TENM1: variants seen among roughly 807,000 people sequenced by gnomAD.
The protein encoded by TENM1 is teneurin-1.
Under a neutral mutation model 174.8 loss-of-function variants are expected in TENM1, and 35 were observed. The ratio of observed to expected loss-of-function variants is 0.20; its 90% confidence interval spans 0.15 to 0.27. The LOEUF is 0.27. Among genes scored for constraint, TENM1 ranks in the 10% least tolerant of loss-of-function variants. The pLI is 1.00. For missense variants in TENM1, 1,633 were observed against 2,130.1 expected, an observed-to-expected ratio of 0.77 and a Z score of 4.59; for synonymous variants, 781 against 798.7, an observed-to-expected ratio of 0.98 and a Z score of 0.37.
the TENM1 span, among the ~76,000 whole-genome samples, chrX:125,017,110 C>T: frequency 9.0e-6 from 1 of 111,656 alleles, no homozygotes; most frequent in East Asian, 2.8e-4. Flanking sequence ...CCATAAAAAC[C>T]CTAGAAGAAA....
chrX:124,627,909 T>C (rs1175188786), intron 11 of TENM1, among the ~76,000 whole-genome samples: 1 of 111,825 alleles, frequency 8.9e-6, no homozygotes, highest in Non-Finnish European at 1.9e-5. Flanking sequence ...CTATATTCTA[T>C]ATAAGAAACA....
At chrX:125,070,193 A>G in the TENM1 span, among the ~76,000 whole-genome samples, 1 of 92,924 alleles carries the variant, frequency 1.1e-5, no homozygotes, top group African/African-American at 6.1e-5. Flanking sequence ...TGTCCAAGTA[A>G]TAATAATAAT....
chrX:124,835,977 C>A (rs2056383873), intron 3 of TENM1, among the ~76,000 whole-genome samples: 1 of 111,601 alleles, frequency 9.0e-6, no homozygotes, highest in Non-Finnish European at 1.9e-5. Flanking sequence ...AGGCTCATGA[C>A]AGCATTGCCA....
intron 21 of TENM1, among the ~76,000 whole-genome samples, chrX:124,483,735 A>C (rs2046894892): frequency 8.9e-6 from 1 of 112,103 alleles, no homozygotes; most frequent in East Asian, 2.8e-4. Context: ...ACTTGTGTGC[A>C]AGATACACAC....
chrX:124,859,070 T>C (rs931897096), intron 3 of TENM1, among the ~76,000 whole-genome samples: 2 of 111,726 alleles, frequency 1.8e-5, no homozygotes, highest in Admixed American at 1.9e-4. Context: ...TTTGTAAATA[T>C]GTTAATCATT....
the TENM1 span, among the ~76,000 whole-genome samples, chrX:125,183,239 C>T: frequency 1.4e-4 from 16 of 111,384 alleles, no homozygotes; most frequent in Non-Finnish European, 2.3e-4. Context: ...CTTAATCTGA[C>T]GTGAGACAGA....
chrX:124,973,858 A>T, the TENM1 span, among the ~76,000 whole-genome samples: 5 of 112,069 alleles, frequency 4.5e-5, no homozygotes, highest in African/African-American at 1.6e-4. Flanking sequence ...TAACACAGGA[A>T]CAGATAACCA....
chrX:124,504,141 T>C (rs16999234), intron 18 of TENM1, among the ~76,000 whole-genome samples: 17,523 of 111,204 alleles, frequency 0.16, 1,067 homozygotes, highest in Middle Eastern at 0.19. Flanking sequence ...CAAGCTGCCT[T>C]TGGAGTACTA....
At chrX:124,593,056 C>A (rs2049800035) in intron 11 of TENM1, among the ~76,000 whole-genome samples, 1 of 111,503 alleles carries the variant, frequency 9.0e-6, no homozygotes, top group East Asian at 2.8e-4. Flanking sequence ...GCTCTGAACT[C>A]TGCTCAGCCC....
chrX:124,825,611 C>A (rs913319160), intron 3 of TENM1, among the ~76,000 whole-genome samples: 1 of 112,037 alleles, frequency 8.9e-6, no homozygotes, highest in African/African-American at 3.2e-5. Flanking sequence ...AAGAAGCAAG[C>A]ATTAATTATG....
chrX:125,136,006 T>C, the TENM1 span, among the ~76,000 whole-genome samples: 1 of 112,073 alleles, frequency 8.9e-6, no homozygotes, highest in Non-Finnish European at 1.9e-5. Flanking sequence ...TTTGAGATGC[T>C]TGGATATATG....
chrX:124,630,557 T>G (rs993226306), intron 11 of TENM1, among the ~76,000 whole-genome samples: 1 of 111,859 alleles, frequency 8.9e-6, no homozygotes, highest in African/African-American at 3.2e-5. Context: ...AGGTTACAAA[T>G]AGTTTGCAGA....
At chrX:124,452,879 GA>G (rs60183092) in intron 23 of TENM1, among the ~76,000 whole-genome samples, 15,606 of 72,576 alleles carry the variant, frequency 0.22, 1,777 homozygotes, top group Non-Finnish European at 0.26. Flanking sequence ...GGGGAGGGGG[GA>G]GGGATAACTT....
At chrX:125,170,232 T>A in the TENM1 span, among the ~76,000 whole-genome samples, 1 of 111,245 alleles carries the variant, frequency 9.0e-6, no homozygotes, top group Non-Finnish European at 1.9e-5. Flanking sequence ...CCTTATGTTT[T>A]TGAGGGAGAA....
At chrX:124,383,530 G>T in intron 30 of TENM1, 104 bp downstream of exon 33, 2 of 778,210 alleles carry the variant, frequency 2.6e-6, no homozygotes, top group Non-Finnish European at 3.7e-6. Context: ...CGGGCTAACT[G>T]TCAGGAAGAG....
At chrX:124,906,826 A>G in intron 1 of TENM1, among the ~76,000 whole-genome samples, 1 of 111,861 alleles carries the variant, frequency 8.9e-6, no homozygotes, top group Middle Eastern at 4.6e-3. Context: ...AAGTCTACAT[A>G]CTGTGTGCTT....
the TENM1 span, among the ~76,000 whole-genome samples, chrX:125,045,227 G>A: frequency 9.0e-6 from 1 of 111,484 alleles, no homozygotes; most frequent in Non-Finnish European, 1.9e-5. Context: ...TCACAGGTCT[G>A]TCTCTTGACA....
chrX:125,185,747 T>C, the TENM1 span, among the ~76,000 whole-genome samples: 2 of 112,068 alleles, frequency 1.8e-5, no homozygotes, highest in Admixed American at 1.9e-4. Flanking sequence ...TTCAAACATA[T>C]GTGCATGCAA....
chrX:124,720,255 G>A (rs184140660), intron 4 of TENM1, among the ~76,000 whole-genome samples: 1 of 111,747 alleles, frequency 8.9e-6, no homozygotes, highest in Non-Finnish European at 1.9e-5. Context: ...CATCAACATA[G>A]ACCTTAAGTC....
Sources: gnomAD v4.1 joint callset for allele counts (sites outside exome capture counted in the v4.1 genomes callset) on GRCh38, gnomAD v4.1.1 for gene constraint, MANE v1.5 for transcripts, NCBI Gene and HGNC (gene_info 2026-07-23, HGNC 2026-07-21) for gene names.